PDIA6: variants seen among roughly 807,000 people sequenced by gnomAD.
PDIA6 encodes the protein protein disulfide isomerase family A member 6, also known as protein disulfide-isomerase A6.
In PDIA6, 29 loss-of-function variants were observed where a neutral mutation model predicts 58.4. The observed-to-expected ratio is 0.50, with a 90% CI of 0.37 to 0.68. The LOEUF is 0.68. Ranked by LOEUF, PDIA6 falls within the 30% of genes least tolerant of loss-of-function variation. The pLI is 0.00. For synonymous variants in PDIA6, 192 were observed against 202.6 expected (o/e 0.95, Z 0.44); for missense variants, 480 against 551.0 (o/e 0.87, Z 1.29).
At chr2:10,831,162 A>G (rs1169984242) in intron 1 of PDIA6, among the ~76,000 whole-genome samples, 1 of 152,180 alleles carries the variant, frequency 6.6e-6, no homozygotes, top group Non-Finnish European at 1.5e-5. Context: ...GGAGCCGCAG[A>G]TGAGTCTACT....
intron 5 of PDIA6, among the ~76,000 whole-genome samples, chr2:10,792,516 A>G (rs181474851): frequency 6.6e-6 from 1 of 152,370 alleles, no homozygotes; most frequent in East Asian, 1.9e-4. Context: ...GCCTGTATAA[A>G]GAAGCTAGTG....
upstream of PDIA6, among the ~76,000 whole-genome samples, chr2:10,834,728 TTCCC>T (rs1174377051): frequency 0.049 from 967 of 19,652 alleles, 27 homozygotes; most frequent in East Asian, 0.15. Flanking sequence ...CCTCCCTTCC[TTCCC>T]TCCTTCCTTC....
rs1424186637 is a variant in PDIA6 at position 10,797,213 on chromosome 2, G to A, written c.220-6C>T. The A allele has an allele frequency of 6.2e-7, 1 of 1,603,834 alleles. No homozygotes were observed. The highest frequency in any genetic ancestry group is 1.7e-5 in the Admixed American group (1 of 57,260). ...GCACCAACTTTGACAACATCCTGTG[G>A]AAATGTAAAAGAAATAACAATTTTT... is the stretch of plus-strand genomic sequence containing the variant. On this transcript the variant is annotated splice_polypyrimidine_tract_variant and splice_region_variant and intron_variant, in intron 3 of 12. Transcript: ENST00000272227.
At chr2:10,806,624 A>AAGACAGAC (rs1188648071) in intron 1 of PDIA6, among the ~76,000 whole-genome samples, 12 of 139,750 alleles carry the variant, frequency 8.6e-5, no homozygotes, top group Non-Finnish European at 1.5e-4. Flanking sequence ...CTAAAAAATA[A>AAGACAGAC]AGACAGAAAG....
At chr2:10,803,913 T>G (rs1368922940) in intron 1 of PDIA6, among the ~76,000 whole-genome samples, 7 of 140,796 alleles carry the variant, frequency 5.0e-5, no homozygotes, top group African/African-American at 1.5e-4. Context: ...GTTTTTGTGT[T>G]TTTTTTTTTT....
chr2:10,788,784 C>T lies in PDIA6; in HGVS notation c.926-15G>A. 1 of 1,602,752 alleles carries T rather than the reference C, an allele frequency of 6.2e-7. No homozygotes were observed. Among genetic ancestry groups the T allele is most frequent in the Non-Finnish European group, 8.5e-7 (1 of 1,169,718 alleles). ...GCCTGCAGCTCCTGATTTAAATAGA[C>T]AAAGTTTTTTAAAGGTAAAGATAAA... On this transcript the variant is annotated splice_polypyrimidine_tract_variant and intron_variant, in intron 9 of 12. Transcript: ENST00000272227.
intron 1 of PDIA6, among the ~76,000 whole-genome samples, chr2:10,821,776 T>C (rs55771723): frequency 0.25 from 38,155 of 151,506 alleles, 5,073 homozygotes; most frequent in Non-Finnish European, 0.27. Flanking sequence ...AGGCACATGC[T>C]GCTATGCCCG....
At chr2:10,803,730 A>G (rs1666609893) in intron 1 of PDIA6, among the ~76,000 whole-genome samples, 1 of 152,082 alleles carries the variant, frequency 6.6e-6, no homozygotes. Flanking sequence ...TACTATCAAA[A>G]TTTCACCTTT....
chr2:10,827,445 G>T (rs1330908925), intron 1 of PDIA6, among the ~76,000 whole-genome samples: 2 of 152,182 alleles, frequency 1.3e-5, no homozygotes, highest in East Asian at 3.9e-4. Flanking sequence ...CTTCCTATGT[G>T]CTGGCAACAT....
chr2:10,823,122 T>C (rs928686460), intron 1 of PDIA6: 1 of 152,228 alleles, frequency 6.6e-6, no homozygotes, highest in African/African-American at 2.4e-5. Context: ...CAAATCACCT[T>C]GCTCATTTTT....
intron 1 of PDIA6, among the ~76,000 whole-genome samples, chr2:10,827,005 G>T (rs1483994537): frequency 3.3e-5 from 5 of 152,192 alleles, no homozygotes; most frequent in Non-Finnish European, 5.9e-5. Flanking sequence ...CCCCGGGTGA[G>T]CAGTTCATCA....
chr2:10,800,140 G>A (rs531927675), intron 2 of PDIA6, among the ~76,000 whole-genome samples: 4 of 152,276 alleles, frequency 2.6e-5, no homozygotes, highest in African/African-American at 9.6e-5. Flanking sequence ...AGTTGCTGCA[G>A]GTATCTTCAA....
upstream of PDIA6, among the ~76,000 whole-genome samples, chr2:10,816,273 AG>A (rs1159930400): frequency 6.6e-6 from 1 of 151,138 alleles, no homozygotes; most frequent in Non-Finnish European, 1.5e-5. Flanking sequence ...TTTAGTAGAG[AG>A]GGTTTTCATC....
At chr2:10,802,726 G>T in intron 1 of PDIA6, 86 bp from the exon 2 acceptor site, 1 of 1,082,738 alleles carries the variant, frequency 9.2e-7, no homozygotes, top group South Asian at 3.5e-5. Flanking sequence ...CTCTTTAACT[G>T]ACCAGGGCCC....
intron 1 of PDIA6, chr2:10,810,257 T>G (rs1334898972): frequency 1.3e-6 from 2 of 1,510,046 alleles, no homozygotes; most frequent in Admixed American, 3.9e-5. Flanking sequence ...GATCATATAA[T>G]TAGATAGACC....
chr2:10,813,492 A>G (rs996306995), upstream of PDIA6, among the ~76,000 whole-genome samples: 2 of 151,966 alleles, frequency 1.3e-5, no homozygotes, highest in East Asian at 1.9e-4. Context: ...GAAAAAAAAT[A>G]TGTTTGTGGG....
In PDIA6 at chr2:10,802,620, A is replaced by G; in HGVS notation, c.40T>C (p.Phe14Leu). The G allele has an allele frequency of 6.8e-7, 1 of 1,476,618 alleles. No homozygotes were observed. Among genetic ancestry groups the G allele is most frequent in the Non-Finnish European group, 9.0e-7 (1 of 1,115,406 alleles). The allele number at this position is 1,476,618 out of a possible 1,614,324, so 91.5% of individuals were successfully genotyped here. A position where few individuals can be genotyped will look rare whatever the true frequency, so the allele number is the denominator to read the frequency against. The stretch of plus-strand genomic sequence containing the variant: ...GAATACAGACCATTCACTGCCAGAA[A>G]GAAGGTACAGCTCACCAGACCTGAA... ...LVLGLVSCTFFLAVNGLYSSS... is the reference protein window; with the variant it reads ...LVLGLVSCTFLLAVNGLYSSS... The change falls in exon 2 of 13, where the codon TTT becomes CTT. Residue 14 changes from phenylalanine (F) to leucine (L), a missense_variant. Physicochemically the swap from Phe to Leu is conservative, Grantham distance 22. Coordinates refer to ENST00000272227, the MANE Select transcript of PDIA6 (RefSeq NM_005742.4).
chr2:10,835,062 C>T (rs750933624), upstream of PDIA6, among the ~76,000 whole-genome samples: 60 of 152,280 alleles, frequency 3.9e-4, no homozygotes, highest in Non-Finnish European at 6.0e-4. Context: ...GCCACTGTGC[C>T]TGGCGTAGAG....
intron 1 of PDIA6, chr2:10,810,093 G>A: frequency 1.7e-6 from 1 of 575,800 alleles, no homozygotes; most frequent in East Asian, 2.9e-5. Context: ...TTTCTGGCGA[G>A]ACAAAACAGT....
Sources: allele counts gnomAD v4.1 joint callset (sites outside exome capture counted in the v4.1 genomes callset), GRCh38; gene constraint gnomAD v4.1.1; transcripts MANE v1.5; gene names NCBI Gene and HGNC (gene_info 2026-07-23, HGNC 2026-07-21).